ITGBL1: variants seen among roughly 807,000 people sequenced by gnomAD.
ITGBL1 encodes the protein integrin beta-like protein 1.
ITGBL1 carries 51 observed loss-of-function variants against 68.5 expected under a neutral mutation model. The ratio of observed to expected loss-of-function variants is 0.74; its 90% CI spans 0.59 to 0.94. The LOEUF (loss-of-function observed/expected upper bound fraction) is 0.94, where lower values mean the gene tolerates loss of function less well. Among genes scored for constraint, ITGBL1 ranks in the 40% least tolerant of loss-of-function variants. The pLI is 0.00. For synonymous variants in ITGBL1, 209 were observed against 227.3 expected, an observed-to-expected ratio of 0.92 and a Z score of 0.72; for missense variants, 649 against 647.4, an observed-to-expected ratio of 1.00 and a Z score of -0.03.
downstream of ITGBL1, chr13:101,719,912 G>GGT (rs1297650269): frequency 2.0e-5 from 3 of 152,024 alleles, no homozygotes; most frequent in Non-Finnish European, 4.4e-5. Flanking sequence ...TAGCAAGAGA[G>GGT]GTATCATCAA....
At chr13:101,669,722 A>G (rs1352701366) in intron 7 of ITGBL1, among the ~76,000 whole-genome samples, 3 of 152,086 alleles carry the variant, frequency 2.0e-5, no homozygotes, top group African/African-American at 7.2e-5. Context: ...CTTTTGCCCA[A>G]TTTACAGTTT....
intron 7 of ITGBL1, among the ~76,000 whole-genome samples, chr13:101,677,986 G>A (rs894355394): frequency 6.6e-6 from 1 of 152,050 alleles, no homozygotes; most frequent in Non-Finnish European, 1.5e-5. Context: ...TTATTGATAC[G>A]ACCTTATTTT....
intron 3 of ITGBL1, among the ~76,000 whole-genome samples, chr13:101,574,754 T>C (rs1364140410): frequency 6.6e-6 from 1 of 152,132 alleles, no homozygotes; most frequent in African/African-American, 2.4e-5. Flanking sequence ...CAGACTTGGA[T>C]GAGTATATGG....
chr13:101,609,101 A>G (rs1438531368), intron 7 of ITGBL1, among the ~76,000 whole-genome samples: 1 of 152,094 alleles, frequency 6.6e-6, no homozygotes, highest in Non-Finnish European at 1.5e-5. Context: ...ATAGCCCATA[A>G]TAGTAATATT....
At chr13:101,645,619 G>T (rs965085719) in intron 7 of ITGBL1, among the ~76,000 whole-genome samples, 2 of 152,132 alleles carry the variant, frequency 1.3e-5, no homozygotes, top group Non-Finnish European at 2.9e-5. Flanking sequence ...GGCATAGTTT[G>T]CAGGTTCTAT....
chr13:101,659,955 C>T (rs2033039711), intron 7 of ITGBL1, among the ~76,000 whole-genome samples: 2 of 152,060 alleles, frequency 1.3e-5, no homozygotes, highest in Admixed American at 1.3e-4. Context: ...TTCTGGGTTC[C>T]TCAATAACAG....
intron 2 of ITGBL1, among the ~76,000 whole-genome samples, chr13:101,464,555 TTATA>T (rs1368910654): frequency 1.3e-5 from 2 of 151,974 alleles, no homozygotes; most frequent in Non-Finnish European, 2.9e-5. Flanking sequence ...ATGCATATGT[TTATA>T]TATCCTCCTA....
chr13:101,617,741 C>T (rs991262852), intron 7 of ITGBL1, among the ~76,000 whole-genome samples: 2 of 151,984 alleles, frequency 1.3e-5, no homozygotes, highest in Non-Finnish European at 2.9e-5. Context: ...AACCTTCAGC[C>T]GTATTATTAC....
At chr13:101,458,341 G>A (rs1239907169) in intron 2 of ITGBL1, among the ~76,000 whole-genome samples, 1 of 152,190 alleles carries the variant, frequency 6.6e-6, no homozygotes, top group Non-Finnish European at 1.5e-5. Flanking sequence ...AAAATCTTAA[G>A]CAAAAGTGTA....
intron 7 of ITGBL1, among the ~76,000 whole-genome samples, chr13:101,682,911 A>G (rs961413565): frequency 3.6e-4 from 55 of 152,044 alleles, no homozygotes; most frequent in African/African-American, 1.3e-3. Context: ...TCTCACCTAT[A>G]TTCTTGTCTA....
intron 7 of ITGBL1, among the ~76,000 whole-genome samples, chr13:101,647,928 T>G (rs2032615625): frequency 6.6e-6 from 1 of 152,128 alleles, no homozygotes; most frequent in South Asian, 2.1e-4. Flanking sequence ...GCTGGTGTGC[T>G]TGGAAAACAA....
intron 8 of ITGBL1, among the ~76,000 whole-genome samples, chr13:101,705,690 C>A (rs920070621): frequency 3.9e-5 from 6 of 152,054 alleles, no homozygotes; most frequent in African/African-American, 1.4e-4. Context: ...CTGTGGAGAG[C>A]TGAATGGAGG....
At chr13:101,701,458 G>A (rs1185346317) in intron 8 of ITGBL1, among the ~76,000 whole-genome samples, 8 of 152,052 alleles carry the variant, frequency 5.3e-5, no homozygotes, top group African/African-American at 1.4e-4. Context: ...GCTTGAACCC[G>A]GGAGTCGGAG....
chr13:101,682,215 T>C (rs763724250), intron 7 of ITGBL1, among the ~76,000 whole-genome samples: 3 of 152,148 alleles, frequency 2.0e-5, no homozygotes, highest in Non-Finnish European at 4.4e-5. Flanking sequence ...ACTACTAAAG[T>C]TTTAATCTAT....
intron 2 of ITGBL1, among the ~76,000 whole-genome samples, chr13:101,468,526 A>G (rs894709668): frequency 1.3e-5 from 2 of 152,194 alleles, no homozygotes; most frequent in African/African-American, 4.8e-5. Context: ...CCCCAAATCA[A>G]TAGAAGGGTT....
At chr13:101,517,722 G>A (rs1449860079) in intron 2 of ITGBL1, among the ~76,000 whole-genome samples, 1 of 152,240 alleles carries the variant, frequency 6.6e-6, no homozygotes, top group Non-Finnish European at 1.5e-5. Flanking sequence ...AATTCAGCCA[G>A]TGTGGTGGAG....
chr13:101,591,846 TGA>T (rs2050660862), intron 6 of ITGBL1, among the ~76,000 whole-genome samples: 2 of 152,196 alleles, frequency 1.3e-5, no homozygotes, highest in African/African-American at 4.8e-5. Context: ...TCTGCGGTGA[TGA>T]GTAGCTTCAT....
chr13:101,558,955 A>G (rs1415224665), intron 2 of ITGBL1, among the ~76,000 whole-genome samples: 1 of 152,116 alleles, frequency 6.6e-6, no homozygotes, highest in East Asian at 1.9e-4. Flanking sequence ...AATTTGATAC[A>G]TGAATATATG....
At chr13:101,513,774 G>C (rs994214465) in intron 2 of ITGBL1, among the ~76,000 whole-genome samples, 2 of 151,950 alleles carry the variant, frequency 1.3e-5, no homozygotes, top group Non-Finnish European at 2.9e-5. Flanking sequence ...GTAATGAATT[G>C]TTAACGAGGA....
Sources: gnomAD v4.1 joint callset for allele counts (sites outside exome capture counted in the v4.1 genomes callset) on GRCh38, gnomAD v4.1.1 for gene constraint, MANE v1.5 for transcripts, NCBI Gene and HGNC (gene_info 2026-07-23, HGNC 2026-07-21) for gene names.